TMEM74: variants seen among roughly 807,000 people sequenced by gnomAD.
TMEM74 encodes the protein transmembrane protein 74.
In TMEM74, 13 loss-of-function variants were observed where a neutral mutation model predicts 18.1. That is an observed-to-expected ratio of 0.72 (90% confidence interval 0.47 to 1.14). The LOEUF (loss-of-function observed/expected upper bound fraction) is 1.14. TMEM74 is among the 50% of genes most tolerant of loss of function. The probability of loss-of-function intolerance (pLI) is 0.00; values close to 1 mark genes in which losing one functional copy is unlikely to be tolerated. For synonymous variants in TMEM74, 159 were observed against 146.6 expected (o/e 1.08, Z -0.61); for missense variants, 372 against 375.9 (o/e 0.99, Z 0.09).
intron 2 of TMEM74, among the ~76,000 whole-genome samples, chr8:108,616,701 A>G (rs1045962145): frequency 1.3e-5 from 2 of 152,162 alleles, no homozygotes; most frequent in African/African-American, 4.8e-5. Context: ...GAAGTGAACT[A>G]GCTTCCAAGT....
rs142985038 is a variant in TMEM74, at chr8:108,616,439, CATTTT to C, written n.265-7618_265-7614del. On this transcript the variant is annotated intron_variant and non_coding_transcript_variant, in intron 2 of 3. Coordinates refer to the TMEM74 transcript ENST00000518838. The stretch of plus-strand genomic sequence containing the variant: ...GAACATTTAACTGACATCATGCACT[CATTTT>C]ATTTTATTAGATGATTTTTGTCCAA... Among the ~76,000 whole-genome samples the C allele has an allele frequency of 5.2e-3, 794 of 152,200 alleles. 5 individuals carry two copies. The highest frequency in any genetic ancestry group is 0.018 in the African/African-American group (765 of 41,520).
At chr8:108,644,041 C>A (rs1376418950) in intron 2 of TMEM74, among the ~76,000 whole-genome samples, 9 of 152,040 alleles carry the variant, frequency 5.9e-5, no homozygotes. Context: ...CCTAAGTAGA[C>A]AAAGCAATCT....
intron 1 of TMEM74, among the ~76,000 whole-genome samples, chr8:108,677,091 C>G (rs776499930): frequency 6.6e-6 from 1 of 152,226 alleles, no homozygotes; most frequent in Non-Finnish European, 1.5e-5. Context: ...TCGTAAATCT[C>G]TTGACTCCAA....
intron 1 of TMEM74, among the ~76,000 whole-genome samples, chr8:108,675,392 T>G (rs939684831): frequency 1.3e-5 from 2 of 152,228 alleles, no homozygotes; most frequent in Admixed American, 1.3e-4. Flanking sequence ...TCTTGTCTAC[T>G]GAAGTTGGAG....
chr8:108,718,993 C>T (rs996539638), intron 1 of TMEM74, among the ~76,000 whole-genome samples: 22 of 150,964 alleles, frequency 1.5e-4, no homozygotes, highest in African/African-American at 4.6e-4. Context: ...CGTATATATA[C>T]GTATATATAC....
At chr8:108,727,834 T>A (rs1446417047) in intron 1 of TMEM74, among the ~76,000 whole-genome samples, 2 of 152,102 alleles carry the variant, frequency 1.3e-5, no homozygotes, top group African/African-American at 4.8e-5. Context: ...AAGGTAATAG[T>A]CCAGCAAAGG....
chr8:108,680,126 A>G (rs977763696), intron 1 of TMEM74, among the ~76,000 whole-genome samples: 1 of 152,192 alleles, frequency 6.6e-6, no homozygotes, highest in Non-Finnish European at 1.5e-5. Context: ...AAACTATTCC[A>G]ATCAATAGAA....
At chr8:108,654,010 A>G (rs1812798209) in intron 2 of TMEM74, among the ~76,000 whole-genome samples, 1 of 152,328 alleles carries the variant, frequency 6.6e-6, no homozygotes, top group East Asian at 1.9e-4. Context: ...ACATTAAAAC[A>G]TACTTACATA....
chr8:108,621,939 G>A (rs959527099), intron 2 of TMEM74, among the ~76,000 whole-genome samples: 1 of 152,076 alleles, frequency 6.6e-6, no homozygotes, highest in African/African-American at 2.4e-5. Flanking sequence ...TGATGGAGAT[G>A]CATATTGCCT....
At chr8:108,608,250 C>T (rs1004716129) in intron 3 of TMEM74, among the ~76,000 whole-genome samples, 1 of 144,110 alleles carries the variant, frequency 6.9e-6, no homozygotes, top group African/African-American at 2.6e-5. Context: ...AGCAGTGAGC[C>T]GAGATTGTGC....
At chr8:108,660,626 G>C (rs946584771) in intron 1 of TMEM74, among the ~76,000 whole-genome samples, 1 of 152,126 alleles carries the variant, frequency 6.6e-6, no homozygotes, top group African/African-American at 2.4e-5. Flanking sequence ...ACGTGATACT[G>C]TTTAAACCTA....
chr8:108,733,189 C>CT (rs1813712564), intron 1 of TMEM74, among the ~76,000 whole-genome samples: 1 of 152,114 alleles, frequency 6.6e-6, no homozygotes, highest in African/African-American at 2.4e-5. Context: ...ACTATAGAAG[C>CT]TTTGTTCTAG....
At chr8:108,650,362 T>C (rs544223028) in intron 2 of TMEM74, among the ~76,000 whole-genome samples, 12 of 152,336 alleles carry the variant, frequency 7.9e-5, no homozygotes, top group African/African-American at 2.6e-4. Context: ...ACACAGTATC[T>C]GGAGTTATTC....
At chr8:108,641,845 T>G (rs1417392770) in intron 2 of TMEM74, among the ~76,000 whole-genome samples, 1 of 152,192 alleles carries the variant, frequency 6.6e-6, no homozygotes, top group African/African-American at 2.4e-5. Flanking sequence ...CTTCATAAAC[T>G]TTATTCCATC....
intron 1 of TMEM74, among the ~76,000 whole-genome samples, chr8:108,662,273 T>G (rs1251267108): frequency 6.6e-6 from 1 of 150,878 alleles, no homozygotes; most frequent in East Asian, 1.9e-4. Context: ...ACAGAAATAG[T>G]GAGAGACACA....
intron 1 of TMEM74, among the ~76,000 whole-genome samples, chr8:108,715,677 A>G (rs1031044536): frequency 2.0e-5 from 3 of 152,176 alleles, no homozygotes; most frequent in African/African-American, 7.2e-5. Flanking sequence ...TATCACTGGA[A>G]ATAAGTGAGA....
intron 1 of TMEM74, among the ~76,000 whole-genome samples, chr8:108,679,688 T>G (rs962626590): frequency 6.6e-6 from 1 of 152,140 alleles, no homozygotes; most frequent in Admixed American, 6.5e-5. Flanking sequence ...TTTCTCCCAT[T>G]TTGTAGGTTG....
chr8:108,731,232 T>G (rs1028421809), intron 1 of TMEM74, among the ~76,000 whole-genome samples: 4 of 146,582 alleles, frequency 2.7e-5, no homozygotes, highest in Non-Finnish European at 6.0e-5. Flanking sequence ...CCGCCCCCCA[T>G]CCCCCCCAAA....
At chr8:108,713,874 C>T (rs914236741) in intron 1 of TMEM74, among the ~76,000 whole-genome samples, 2 of 152,202 alleles carry the variant, frequency 1.3e-5, no homozygotes, top group African/African-American at 2.4e-5. Context: ...GATGGGGTAA[C>T]AGTCCAAGGC....
Sources: allele counts gnomAD v4.1 joint callset (sites outside exome capture counted in the v4.1 genomes callset), GRCh38; gene constraint gnomAD v4.1.1; transcripts MANE v1.5; gene names NCBI Gene and HGNC (gene_info 2026-07-23, HGNC 2026-07-21).